SAAL1: variants seen among roughly 807,000 people sequenced by gnomAD.
SAAL1 encodes protein SAAL1.
SAAL1 carries 42 observed loss-of-function variants against 59.8 expected under a neutral mutation model. The observed-to-expected ratio is 0.70, with a 90% CI of 0.55 to 0.91. SAAL1 has a LOEUF of 0.91. Among genes scored for constraint, SAAL1 ranks in the 40% least tolerant of loss-of-function variants. The probability of loss-of-function intolerance (pLI) is 0.00; values close to 1 mark genes in which losing one functional copy is unlikely to be tolerated. For synonymous variants in SAAL1, 191 were observed against 194.3 expected (o/e 0.98, Z 0.14); for missense variants, 542 against 561.1 (o/e 0.97, Z 0.34).
chr11:18,101,752 C>T (rs1347784702), intron 2 of SAAL1, among the ~76,000 whole-genome samples: 1 of 150,776 alleles, frequency 6.6e-6, no homozygotes, highest in Non-Finnish European at 1.5e-5. Context: ...CCTTAAACAA[C>T]TCCAACATTC....
At chr11:18,101,476 C>A (rs1009723858) in intron 2 of SAAL1, among the ~76,000 whole-genome samples, 5 of 152,180 alleles carry the variant, frequency 3.3e-5, no homozygotes, top group Non-Finnish European at 7.3e-5. Flanking sequence ...GCTCGCACTT[C>A]TCCTTCCTGC....
chr11:18,092,405 C>T (rs922617187), intron 3 of SAAL1, 81 bp from the exon 4 acceptor site: 19 of 919,356 alleles, frequency 2.1e-5, no homozygotes, highest in South Asian at 1.1e-4. Flanking sequence ...CAAAAACTTT[C>T]GCTGAGCCAA....
At chr11:18,102,204 C>T (rs1848641957) in intron 2 of SAAL1, among the ~76,000 whole-genome samples, 1 of 152,112 alleles carries the variant, frequency 6.6e-6, no homozygotes, top group South Asian at 2.1e-4. Flanking sequence ...CAGTTCAAGA[C>T]CAGCCTCGCC....
chr11:18,098,019 C>T (rs1848595769), intron 2 of SAAL1, among the ~76,000 whole-genome samples: 1 of 151,984 alleles, frequency 6.6e-6, no homozygotes, highest in Admixed American at 6.6e-5. Context: ...GGTGGTGTAC[C>T]ATCTGTAGTC....
chr11:18,083,335 G>A (rs957565872), intron 10 of SAAL1, 200 bp downstream of exon 10: 12 of 408,904 alleles, frequency 2.9e-5, no homozygotes, highest in African/African-American at 2.0e-4. Flanking sequence ...TGCAAACATA[G>A]GCATATGTCT....
chr11:18,105,937 C>T lies in SAAL1; in HGVS notation c.105G>A (p.Trp35Ter). 1 of 1,606,148 alleles carries T rather than the reference C, an allele frequency of 6.2e-7. No individual in the cohort carries two copies. The highest frequency in any genetic ancestry group is 1.1e-5 in the South Asian group (1 of 89,248). The change falls in exon 1 of 12, where the codon TGG (tryptophan) becomes TGA (stop). Residue 35 changes from tryptophan (W) to a stop codon, truncating the protein, a stop_gained. Transcript: ENST00000524803. LOFTEE classifies it high-confidence loss of function. Reference sequence around the variant, plus strand: ...TGAGTCCGCTGAGGACGCCGAAGAGCCAGTGTTTGCTGTAGACCGTGCTCC... The same window carrying T: ...TGAGTCCGCTGAGGACGCCGAAGAGTCAGTGTTTGCTGTAGACCGTGCTCC... ...CIGSTVYSKH[W>*]LFGVLSGLIQ...
At chr11:18,103,108 T>G in intron 2 of SAAL1, 125 bp downstream of exon 2, 1 of 691,234 alleles carries the variant, frequency 1.4e-6, no homozygotes, top group Non-Finnish European at 2.6e-6. Flanking sequence ...CTATATCATA[T>G]ATGGGTGTGA....
chr11:18,103,260 G>A lies in SAAL1; in HGVS notation c.222C>T (p.Cys74=). The change falls in exon 2 of 12, where the codon TGC becomes TGT. Residue 74 remains cysteine, a synonymous_variant. Transcript: ENST00000524803. ...CATCCATTGACATATCCCATACTCTGCAAATTTCATTCTCCATTTCTTCAT... is the reference window on the plus strand; with the variant it reads ...CATCCATTGACATATCCCATACTCTACAAATTTCATTCTCCATTTCTTCAT... ...ELDEEMENEI[C]RVWDMSMDED... is the part of the protein sequence containing the mutation. The A allele has an allele frequency of 6.2e-7, 1 of 1,612,940 alleles. No individual in the cohort carries two copies. The highest frequency in any genetic ancestry group is 8.5e-7 in the Non-Finnish European group (1 of 1,179,058).
intron 2 of SAAL1, among the ~76,000 whole-genome samples, chr11:18,101,726 C>T (rs906784527): frequency 6.6e-6 from 1 of 151,106 alleles, no homozygotes; most frequent in African/African-American, 2.4e-5. Context: ...TTCACAACAG[C>T]TTTATCTGTA....
intron 9 of SAAL1, among the ~76,000 whole-genome samples, chr11:18,085,075 A>T (rs561083395): frequency 6.6e-6 from 1 of 152,190 alleles, no homozygotes; most frequent in Non-Finnish European, 1.5e-5. Context: ...TGTAAAACAT[A>T]TATCTTATAC....
chr11:18,099,764 C>G (rs1475552127), intron 2 of SAAL1, among the ~76,000 whole-genome samples: 1 of 152,180 alleles, frequency 6.6e-6, no homozygotes, highest in Non-Finnish European at 1.5e-5. Flanking sequence ...ATTTTGCCAG[C>G]TGGAAGCCAT....
chr11:18,089,488 C>G lies in SAAL1; in HGVS notation c.612G>C (p.Gly204=), dbSNP rs930696508. ...STNVDLLVKV[G]EVVDKLFDLD... is the part of the protein sequence containing the mutation. The stretch of plus-strand genomic sequence containing the variant: ...AATCAAAGAGCTTGTCCACAACCTC[C>G]CCCACCTTCACCAGCAAGTCAACTG... The change falls in exon 7 of 12, where the codon GGG becomes GGC. Residue 204 remains glycine (G), a synonymous_variant. Transcript: ENST00000524803. 8 of 1,610,866 alleles carry G rather than the reference C, an allele frequency of 5.0e-6. No homozygotes were observed. Among genetic ancestry groups the G allele is most frequent in the African/African-American group, 1.3e-5 (1 of 74,640 alleles).
intron 6 of SAAL1, among the ~76,000 whole-genome samples, chr11:18,089,794 C>T (rs542756575): frequency 6.2e-4 from 95 of 152,314 alleles, no homozygotes; most frequent in African/African-American, 2.2e-3. Flanking sequence ...TACACCTATA[C>T]TCCCAACACT....
At chr11:18,101,390 T>C (rs1848631596) in intron 2 of SAAL1, among the ~76,000 whole-genome samples, 1 of 152,056 alleles carries the variant, frequency 6.6e-6, no homozygotes, top group Non-Finnish European at 1.5e-5. Flanking sequence ...GGGGGTGGTT[T>C]CCCCCATGCT....
chr11:18,085,374 T>G (rs1367945937), intron 9 of SAAL1, among the ~76,000 whole-genome samples: 1 of 152,162 alleles, frequency 6.6e-6, no homozygotes, highest in Non-Finnish European at 1.5e-5. Context: ...CCTTCATATA[T>G]TCCAACAATA....
At chr11:18,103,371 C>T (rs1848654189) in intron 1 of SAAL1, 25 bp from the exon 2 acceptor site, 1 of 1,561,558 alleles carries the variant, frequency 6.4e-7, no homozygotes, top group South Asian at 1.1e-5. Context: ...AGAAAGAAAA[C>T]ATGAATAAAA....
chr11:18,099,081 T>C (rs1029613298), intron 2 of SAAL1, among the ~76,000 whole-genome samples: 1 of 151,796 alleles, frequency 6.6e-6, no homozygotes, highest in Non-Finnish European at 1.5e-5. Flanking sequence ...TTTGAACCCA[T>C]GAGTCTGATT....
In SAAL1 at chr11:18,102,940, C is replaced by T. The variant is rs531615980; in HGVS notation, c.249+293G>A. ...CCTGCTGTCAAATATATGGCCAGAG[C>T]TCTCTTTAGGTAGGTAAGTATCAGA... On this transcript the variant is annotated intron_variant, in intron 2 of 11. Transcript: ENST00000524803. Among the ~76,000 whole-genome samples the T allele has an allele frequency of 2.0e-4, 30 of 152,256 alleles. 1 individual carries two copies. The South Asian group carries it at 3.3e-3, about 17-fold the overall frequency.
intron 1 of SAAL1, 122 bp from the exon 2 acceptor site, chr11:18,103,468 T>A: frequency 1.3e-6 from 1 of 753,336 alleles, no homozygotes; most frequent in Non-Finnish European, 2.3e-6. Flanking sequence ...AAAATTTGAT[T>A]CCTGGCCAGG....
Sources: gnomAD v4.1 joint callset for allele counts (sites outside exome capture counted in the v4.1 genomes callset) on GRCh38, gnomAD v4.1.1 for gene constraint, MANE v1.5 for transcripts, NCBI Gene and HGNC (gene_info 2026-07-23, HGNC 2026-07-21) for gene names.